Variants in ZMYM2 observed in about 807,000 individuals in gnomAD.
ZMYM2 encodes the protein zinc finger MYM-type containing 2, also known as zinc finger MYM-type protein 2.
A neutral mutation model predicts 162.8 loss-of-function variants in ZMYM2; 56 were observed. The observed-to-expected ratio is 0.34, with a 90% confidence interval of 0.28 to 0.43. The LOEUF (loss-of-function observed/expected upper bound fraction) is 0.43. ZMYM2 is among the 20% of genes least tolerant of loss of function. The pLI, the probability that ZMYM2 is intolerant of heterozygous loss-of-function variation, is 1.00. For synonymous variants in ZMYM2, 510 were observed against 541.6 expected (o/e 0.94, Z 0.81); for missense variants, 1,275 against 1,621.8 (o/e 0.79, Z 3.67).
the ZMYM2 span, among the ~76,000 whole-genome samples, chr13:19,886,450 A>G: frequency 1.3e-5 from 2 of 151,822 alleles, no homozygotes; most frequent in Non-Finnish European, 2.9e-5. Flanking sequence ...GGTGTGAGCC[A>G]CTGCGCCCAG....
At chr13:19,910,990 A>G in the ZMYM2 span, among the ~76,000 whole-genome samples, 96,238 of 150,456 alleles carry the variant, frequency 0.64, 34,452 homozygotes, top group East Asian at 0.88. Flanking sequence ...AGATGAACAC[A>G]TGCCTAACCT....
Position 20,067,239 on chromosome 13 carries a change from C to G in ZMYM2, c.3302C>G (p.Ser1101Cys). The G allele has an allele frequency of 6.5e-7, 1 of 1,533,070 alleles. No individual in the cohort carries two copies. The highest frequency in any genetic ancestry group is 8.8e-7 in the Non-Finnish European group (1 of 1,136,926). 95.0% of individuals were successfully genotyped at this position (1,533,070 alleles called of 1,614,324 possible). A position where few individuals can be genotyped will look rare whatever the true frequency, so the allele number is the denominator to read the frequency against. ...TATTTTTTATTTTATGTATTTTTAG[C>G]TAAATCAGTAAAGTTAAAAGAGGAT... is the stretch of plus-strand genomic sequence containing the variant. Reference protein sequence around the residue: ...DLLVLDELKSSKSVKLKEDLL... With the variant: ...DLLVLDELKSCKSVKLKEDLL... The change falls in exon 21 of 25, where the codon TCT becomes TGT. Residue 1101 changes from serine to cysteine, a missense_variant and splice_region_variant. Coordinates refer to ENST00000610343, the MANE Select transcript of ZMYM2 (RefSeq NM_197968.4).
the ZMYM2 span, among the ~76,000 whole-genome samples, chr13:19,885,946 T>TGTGTATACAC: frequency 4.2e-5 from 5 of 119,902 alleles, 2 homozygotes; most frequent in Non-Finnish European, 6.6e-5. Context: ...CATATATATG[T>TGTGTATACAC]ATATACACAT....
the ZMYM2 span, among the ~76,000 whole-genome samples, chr13:19,946,504 G>A: frequency 2.6e-5 from 4 of 152,216 alleles, no homozygotes; most frequent in Non-Finnish European, 4.4e-5. Flanking sequence ...AATCATTAGC[G>A]ATGGTCCTCA....
chr13:20,075,592 C>G (rs1434967908), intron 21 of ZMYM2, among the ~76,000 whole-genome samples: 2 of 149,192 alleles, frequency 1.3e-5, no homozygotes, highest in African/African-American at 5.0e-5. Context: ...ATTTCATGAT[C>G]ATTCTTTCAT....
chr13:20,070,321 A>T, intron 21 of ZMYM2: 1 of 219,286 alleles, frequency 4.6e-6, no homozygotes, highest in Non-Finnish European at 1.0e-5. Flanking sequence ...GGAATGGTGT[A>T]TATTCTTTCT....
rs533905025 is a variant in ZMYM2 at position 20,073,349 on chromosome 13, T to G, written c.3453+5959T>G. Among the ~76,000 whole-genome samples, 4 of 152,318 alleles carry G rather than the reference T, an allele frequency of 2.6e-5. No individual in the cohort carries two copies. In the South Asian group the frequency reaches 8.3e-4, roughly 32 times the overall value. ...GCTACTTATATATAACTGCTTTAAG[T>G]TGTAACCATTTATAAAAGAATAAAA... On this transcript the variant is annotated intron_variant, in intron 21 of 24. Transcript: ENST00000610343.
chr13:20,082,963 C>T lies in ZMYM2; in HGVS notation c.3751C>T (p.Pro1251Ser). 1.9e-6 allele frequency: 3 copies of T among 1,613,950 alleles called. No individual in the cohort carries two copies. The highest frequency in any genetic ancestry group is 2.5e-6 in the Non-Finnish European group (3 of 1,179,866). ...GTVFRHWKKN[P>S]LTMENKACLR... ...TGTGTTTAGGCATTGGAAAAAAAAT[C>T]CTTTAACGATGGAAAACAAAGCGTG... Residue 1251 changes from proline to serine, a missense_variant, in exon 23 of 25, where the codon CCT becomes TCT. Pro to Ser is a moderately conservative substitution (Grantham distance 74). Around this residue, in one of 10 missense-constraint regions of ZMYM2, gnomAD observed 103 missense variants for 192.2 expected, o/e 0.54. Transcript: ENST00000610343.
At chr13:19,912,652 C>T in the ZMYM2 span, among the ~76,000 whole-genome samples, 4 of 152,024 alleles carry the variant, frequency 2.6e-5, no homozygotes, top group Non-Finnish European at 5.9e-5. Flanking sequence ...GAATCTTGAT[C>T]ATCTTTCCCT....
the ZMYM2 span, among the ~76,000 whole-genome samples, chr13:19,865,823 T>C: frequency 6.6e-6 from 1 of 152,220 alleles, no homozygotes; most frequent in Admixed American, 6.5e-5. Context: ...AAAAAAGTCT[T>C]CATTGTTCAA....
At chr13:20,032,148 G>A (rs1279387560) in intron 10 of ZMYM2, among the ~76,000 whole-genome samples, 1 of 152,150 alleles carries the variant, frequency 6.6e-6, no homozygotes, top group African/African-American at 2.4e-5. Context: ...TGGGATTACA[G>A]GCATGAGCCA....
At chr13:20,083,069 A>C (rs963643064) in intron 23 of ZMYM2, 37 bp downstream of exon 23, 5 of 1,501,988 alleles carry the variant, frequency 3.3e-6, no homozygotes, top group Non-Finnish European at 4.4e-6. Context: ...TTTTATTTTT[A>C]AATTTTTTTT....
chr13:19,865,935 C>T, the ZMYM2 span, among the ~76,000 whole-genome samples: 1 of 152,302 alleles, frequency 6.6e-6, no homozygotes, highest in Non-Finnish European at 1.5e-5. Context: ...GGCCAGATAG[C>T]CTGCCTTTGA....
chr13:19,979,053 C>T (rs968036746), intron 2 of ZMYM2, among the ~76,000 whole-genome samples: 8 of 152,088 alleles, frequency 5.3e-5, no homozygotes, highest in Non-Finnish European at 1.0e-4. Flanking sequence ...TTTCTGTTAG[C>T]ACTTTAAATA....
chr13:20,077,789 A>G (rs1179810984), intron 21 of ZMYM2, among the ~76,000 whole-genome samples: 1 of 152,100 alleles, frequency 6.6e-6, no homozygotes, highest in Non-Finnish European at 1.5e-5. Flanking sequence ...TTCCTTGATA[A>G]AATGTTTAGA....
intron 14 of ZMYM2, 123 bp downstream of exon 14, chr13:20,052,434 C>A: frequency 2.7e-6 from 2 of 754,558 alleles, no homozygotes; most frequent in South Asian, 2.2e-5. Flanking sequence ...TTTACTGAGA[C>A]GGTGGAGTAT....
chr13:20,018,587 A>T (rs997464418), intron 6 of ZMYM2, among the ~76,000 whole-genome samples: 7 of 152,198 alleles, frequency 4.6e-5, no homozygotes, highest in Non-Finnish European at 7.3e-5. Flanking sequence ...GTGTATTGAT[A>T]CACTTAGTTA....
chr13:19,927,309 C>T, the ZMYM2 span, among the ~76,000 whole-genome samples: 2 of 152,148 alleles, frequency 1.3e-5, no homozygotes, highest in African/African-American at 2.4e-5. Context: ...CCAATTTGCC[C>T]ACTAGAGGTA....
intron 2 of ZMYM2, among the ~76,000 whole-genome samples, chr13:19,982,973 G>C (rs140954993): frequency 6.6e-6 from 1 of 151,986 alleles, no homozygotes; most frequent in African/African-American, 2.4e-5. Flanking sequence ...CCTTTGGATG[G>C]AAGCAAAATT....
Sources: gnomAD v4.1 joint callset for allele counts (sites outside exome capture counted in the v4.1 genomes callset) on GRCh38, gnomAD v4.1.1 for gene constraint, gnomAD v4.1.1 regional missense constraint, MANE v1.5 for transcripts, NCBI Gene and HGNC (gene_info 2026-07-23, HGNC 2026-07-21) for gene names.